Variants in JAKMIP1 observed in about 807,000 individuals in gnomAD.
The protein encoded by JAKMIP1 is janus kinase and microtubule interacting protein 1.
JAKMIP1 carries 33 observed loss-of-function variants against 113.0 expected under a neutral mutation model. That is an observed-to-expected ratio of 0.29 (90% confidence interval 0.22 to 0.39). The LOEUF (loss-of-function observed/expected upper bound fraction) is 0.39, where lower values mean the gene tolerates loss of function less well. JAKMIP1 is among the 10% of genes least tolerant of loss of function. The pLI, the probability that JAKMIP1 is intolerant of heterozygous loss-of-function variation, is 1.00. For missense variants in JAKMIP1, 813 were observed against 1,080.5 expected (o/e 0.75, Z 3.47); for synonymous variants, 480 against 459.9 (o/e 1.04, Z -0.56).
rs1725410252 is a variant in JAKMIP1 at position 6,176,953 on chromosome 4, C to T, written c.-148+23300G>A. Among the ~76,000 whole-genome samples, 1 of 152,086 alleles carries T rather than the reference C, an allele frequency of 6.6e-6. No homozygotes were observed. The highest frequency in any genetic ancestry group is 1.5e-5 in the Non-Finnish European group (1 of 68,016). On this transcript the variant is annotated intron_variant, in intron 1 of 20. Transcript: ENST00000409021. The surrounding 1 kb of genome is among the most constrained non-coding windows in gnomAD (Gnocchi z 5.5). ...GAGGCTGAGGTGGGAGGATCGCTTG[C>T]ATCGGGGAGGTTGAGGCTGCAGTGA...
intron 1 of JAKMIP1, among the ~76,000 whole-genome samples, chr4:6,170,747 C>T (rs1724493776): frequency 1.2e-5 from 1 of 82,266 alleles, no homozygotes; most frequent in Non-Finnish European, 3.2e-5. Flanking sequence ...CTTGCCACCA[C>T]AATCACCACC....
chr4:6,140,091 A>C lies in JAKMIP1; in HGVS notation c.-147-27094T>G, dbSNP rs1190187418. Among the ~76,000 whole-genome samples, 2 of 152,090 alleles carry C rather than the reference A, an allele frequency of 1.3e-5. No homozygotes were observed. The highest frequency in any genetic ancestry group is 4.8e-5 in the African/African-American group (2 of 41,370). On this transcript the variant is annotated intron_variant, in intron 1 of 20. Coordinates refer to ENST00000409021, the MANE Select transcript of JAKMIP1 (RefSeq NM_001099433.2). This position sits in a 1 kb window ranked among gnomAD's most constrained non-coding sequence, Gnocchi z 9.4. ...GGAAACGAATATATTTATTAGATGG[A>C]TTGAGATGTACTGAGAATAGCTATG...
At chr4:6,109,124 CTTTTTTTTT>C (rs71173408) in intron 2 of JAKMIP1, among the ~76,000 whole-genome samples, 1 of 96,860 alleles carries the variant, frequency 1.0e-5, no homozygotes, top group Non-Finnish European at 2.1e-5. Flanking sequence ...CCTGGGGCAC[CTTTTTTTTT>C]TTTTTTTTTT....
chr4:6,127,903 C>A (rs1256720360), intron 1 of JAKMIP1, among the ~76,000 whole-genome samples: 1 of 152,222 alleles, frequency 6.6e-6, no homozygotes, highest in Non-Finnish European at 1.5e-5. Context: ...CGGAAGCCCC[C>A]AAAATGCGTC....
At chr4:6,131,717 G>A (rs1042820240) in intron 1 of JAKMIP1, among the ~76,000 whole-genome samples, 4 of 152,188 alleles carry the variant, frequency 2.6e-5, no homozygotes, top group African/African-American at 9.7e-5. Context: ...GCGACAGAGT[G>A]AGATTCTGTC....
At chr4:6,109,443 T>C (rs982880555) in intron 2 of JAKMIP1, among the ~76,000 whole-genome samples, 2 of 151,948 alleles carry the variant, frequency 1.3e-5, no homozygotes, top group Non-Finnish European at 2.9e-5. Context: ...GGGCATCTTA[T>C]AATGCCAGAA....
Position 6,167,643 on chromosome 4 carries a change from C to T in JAKMIP1, c.-148+32610G>A, listed in dbSNP as rs75489106. ...CGTTTCTGACAACCACCAGCCCTAA[C>T]CACAGACTTCCATGGGCCGGGCACT... is the stretch of plus-strand genomic sequence containing the variant. On this transcript the variant is annotated intron_variant, in intron 1 of 20. Coordinates refer to ENST00000409021, the MANE Select transcript of JAKMIP1 (RefSeq NM_001099433.2). The surrounding 1 kb of genome is among the most constrained non-coding windows in gnomAD (Gnocchi z 5.3). Among the ~76,000 whole-genome samples, 5,244 of 152,278 alleles carry T rather than the reference C, an allele frequency of 0.034. 126 individuals carry two copies. The highest frequency in any genetic ancestry group is 0.068 in the South Asian group (329 of 4,824).
At chr4:6,041,502 A>T (rs1376081930) in intron 17 of JAKMIP1, among the ~76,000 whole-genome samples, 9 of 151,858 alleles carry the variant, frequency 5.9e-5, no homozygotes, top group African/African-American at 2.2e-4. Flanking sequence ...GCCTTTGACT[A>T]CTCAAGAACC....
chr4:6,131,378 A>C (rs1718500429), intron 1 of JAKMIP1, among the ~76,000 whole-genome samples: 1 of 151,428 alleles, frequency 6.6e-6, no homozygotes, highest in African/African-American at 2.4e-5. Context: ...AAAAAAAAAA[A>C]AAACAAAACC....
At chr4:6,169,603 T>TTGTGTGTGTGTG (rs71173413) in intron 1 of JAKMIP1, among the ~76,000 whole-genome samples, 1 of 137,284 alleles carries the variant, frequency 7.3e-6, no homozygotes, top group South Asian at 2.3e-4. Flanking sequence ...CCCTAGGAAA[T>TTGTGTGTGTGTG]TGTGTGTGTG....
chr4:6,157,031 C>T lies in JAKMIP1; in HGVS notation c.-148+43222G>A, dbSNP rs1162617162. Among the ~76,000 whole-genome samples, 1 of 152,156 alleles carries T rather than the reference C, an allele frequency of 6.6e-6. No homozygotes were observed. Among genetic ancestry groups the T allele is most frequent in the African/African-American group, 2.4e-5 (1 of 41,438 alleles). On this transcript the variant is annotated intron_variant, in intron 1 of 20. Coordinates refer to ENST00000409021, the MANE Select transcript of JAKMIP1 (RefSeq NM_001099433.2). The surrounding 1 kb of genome is among the most constrained non-coding windows in gnomAD (Gnocchi z 4.7). ...GTGATTGGGTCATGAGGGCTCTAAC[C>T]TCATGAATGGATTAATGCCATTATT...
chr4:6,057,097 T>G (rs1716582439), intron 11 of JAKMIP1, among the ~76,000 whole-genome samples: 1 of 152,194 alleles, frequency 6.6e-6, no homozygotes, highest in African/African-American at 2.4e-5. Context: ...CCCCGCAGAC[T>G]GGCCAGAGCC....
Position 6,199,718 on chromosome 4 carries a change from C to A in JAKMIP1, c.-148+535G>T, listed in dbSNP as rs560220185. ...GGGTGGGGTGCGGGCTGGGCGGCCT[C>A]GCCTTCGGGCCCCGCGCCGCCGGGG... is the stretch of plus-strand genomic sequence containing the variant. On this transcript the variant is annotated intron_variant, in intron 1 of 20. Coordinates refer to ENST00000409021, the MANE Select transcript of JAKMIP1 (RefSeq NM_001099433.2). The surrounding 1 kb of genome is among the most constrained non-coding windows in gnomAD (Gnocchi z 5.6). Among the ~76,000 whole-genome samples, 1 of 151,568 alleles carries A rather than the reference C, an allele frequency of 6.6e-6. No individual in the cohort carries two copies. Among genetic ancestry groups the A allele is most frequent in the African/African-American group, 2.4e-5 (1 of 41,446 alleles).
intron 1 of JAKMIP1, among the ~76,000 whole-genome samples, chr4:6,173,357 T>C (rs996812731): frequency 7.2e-5 from 11 of 152,302 alleles, no homozygotes; most frequent in South Asian, 2.1e-4. Flanking sequence ...TCTAAAAATA[T>C]AATGATTTCT....
rs116265676 is a variant in JAKMIP1 at position 6,188,290 on chromosome 4, A to C, written c.-148+11963T>G. On this transcript the variant is annotated intron_variant, in intron 1 of 20. Coordinates refer to ENST00000409021, the MANE Select transcript of JAKMIP1 (RefSeq NM_001099433.2). The surrounding 1 kb of genome is among the most constrained non-coding windows in gnomAD (Gnocchi z 5.8). ...ACATGTGGTGACTGGAAGTGTGGAG[A>C]CAGCTCATTGCTTCAGACTAAGGTG... Among the ~76,000 whole-genome samples the C allele has an allele frequency of 0.033, 5,014 of 152,294 alleles. 101 individuals are homozygous for C. The highest frequency in any genetic ancestry group is 0.064 in the African/African-American group (2,657 of 41,568).
intron 11 of JAKMIP1, among the ~76,000 whole-genome samples, chr4:6,057,850 T>A (rs1030784269): frequency 6.6e-6 from 1 of 152,208 alleles, no homozygotes; most frequent in East Asian, 1.9e-4. Flanking sequence ...GCCTTGGGCT[T>A]GCCCCCAAAC....
At chr4:6,111,000 A>T (rs145824669) in intron 2 of JAKMIP1, among the ~76,000 whole-genome samples, 251 of 152,114 alleles carry the variant, frequency 1.7e-3, no homozygotes, top group Non-Finnish European at 2.6e-3. Flanking sequence ...GGCTGGATGC[A>T]CTCGGCCTGG....
Position 6,093,450 on chromosome 4 carries a change from T to C in JAKMIP1, c.625-7821A>G, listed in dbSNP as rs1051390306. The stretch of plus-strand genomic sequence containing the variant: ...CAAATTTCATGGCCATGGATGACTA[T>C]AAACAGTGTCCAGCTCCCATTAAAC... On this transcript the variant is annotated intron_variant, in intron 3 of 20. Coordinates refer to ENST00000409021, the MANE Select transcript of JAKMIP1 (RefSeq NM_001099433.2). This position sits in a 1 kb window ranked among gnomAD's most constrained non-coding sequence, Gnocchi z 4.6. 1.3e-5 allele frequency among the ~76,000 whole-genome samples: 2 copies of C among 152,178 alleles called. No individual in the cohort carries two copies. Among genetic ancestry groups the C allele is most frequent in the African/African-American group, 2.4e-5 (1 of 41,438 alleles).
chr4:6,123,504 TAA>T (rs1716987676), intron 1 of JAKMIP1, among the ~76,000 whole-genome samples: 1 of 152,140 alleles, frequency 6.6e-6, no homozygotes, highest in African/African-American at 2.4e-5. Context: ...GAGATTAAAA[TAA>T]AGTCTTTTAA....
Sources: allele counts gnomAD v4.1 joint callset (sites outside exome capture counted in the v4.1 genomes callset), GRCh38; gene constraint gnomAD v4.1.1; non-coding constraint Gnocchi (gnomAD v3.1); transcripts MANE v1.5; gene names NCBI Gene and HGNC (gene_info 2026-07-23, HGNC 2026-07-21).